The following SYTL3 variants were observed in gnomAD, a reference collection of about 807,000 sequenced individuals.
The protein encoded by SYTL3 is synaptotagmin-like protein 3.
A neutral mutation model predicts 82.1 loss-of-function variants in SYTL3; 88 were observed. The observed-to-expected ratio is 1.07, with a 90% CI of 0.90 to 1.28. The LOEUF (loss-of-function observed/expected upper bound fraction) is 1.28, where lower values mean the gene tolerates loss of function less well. Among genes scored for constraint, SYTL3 ranks in the 50% most tolerant of loss-of-function variants. SYTL3 has a pLI of 0.00. For synonymous variants in SYTL3, 311 were observed against 289.4 expected (o/e 1.07, Z -0.76); for missense variants, 831 against 757.6 (o/e 1.10, Z -1.14).
At chr6:158,661,540 C>T (rs76948983) in intron 3 of SYTL3, among the ~76,000 whole-genome samples, 155 bp downstream of exon 3, 259 of 152,316 alleles carry the variant, frequency 1.7e-3, no homozygotes, top group African/African-American at 6.0e-3. Flanking sequence ...GCAACCTCTG[C>T]AGTTGGGATG....
At chr6:158,707,600 T>A (rs1040046003) in intron 7 of SYTL3, among the ~76,000 whole-genome samples, 1 of 152,244 alleles carries the variant, frequency 6.6e-6, no homozygotes, top group Non-Finnish European at 1.5e-5. Flanking sequence ...AAAGCAAGCA[T>A]GTGCTTTGAT....
chr6:158,655,050 A>C (rs1222767718), intron 2 of SYTL3, among the ~76,000 whole-genome samples: 2 of 152,304 alleles, frequency 1.3e-5, no homozygotes, highest in East Asian at 3.9e-4. Context: ...TAGAGCATTT[A>C]AGATCTTGTT....
intron 6 of SYTL3, among the ~76,000 whole-genome samples, chr6:158,699,214 G>C (rs541208775): frequency 6.6e-6 from 1 of 152,286 alleles, no homozygotes; most frequent in South Asian, 2.1e-4. Context: ...AGTCACTGTG[G>C]GACATTCCAG....
intron 11 of SYTL3, among the ~76,000 whole-genome samples, chr6:158,729,142 G>A (rs548453853): frequency 6.6e-6 from 1 of 152,326 alleles, no homozygotes; most frequent in East Asian, 1.9e-4. Flanking sequence ...TGGGTGAGGG[G>A]CCATAATGCT....
intron 6 of SYTL3, among the ~76,000 whole-genome samples, chr6:158,693,451 G>A (rs1172894717): frequency 6.6e-6 from 1 of 152,102 alleles, no homozygotes; most frequent in South Asian, 2.1e-4. Context: ...GCAGTGGTGC[G>A]ATCTTGGCTC....
intron 16 of SYTL3, 118 bp from the exon 17 acceptor site, chr6:158,763,186 T>C: frequency 2.2e-6 from 2 of 890,970 alleles, no homozygotes; most frequent in Non-Finnish European, 3.6e-6. Context: ...CTGGGGAGGG[T>C]GTGGATGTTG....
intron 11 of SYTL3, among the ~76,000 whole-genome samples, chr6:158,731,040 T>C (rs1785338592): frequency 6.6e-6 from 1 of 151,866 alleles, no homozygotes; most frequent in African/African-American, 2.4e-5. Flanking sequence ...ATCCCAGCAC[T>C]TTGGGAGGCT....
intron 5 of SYTL3, among the ~76,000 whole-genome samples, chr6:158,674,296 A>C (rs1210243315): frequency 6.6e-6 from 1 of 152,016 alleles, no homozygotes; most frequent in Non-Finnish European, 1.5e-5. Flanking sequence ...TTAGTTTATG[A>C]AATATTCCCT....
chr6:158,688,232 T>A (rs543785821), intron 6 of SYTL3, among the ~76,000 whole-genome samples: 62 of 152,382 alleles, frequency 4.1e-4, no homozygotes, highest in African/African-American at 1.5e-3. Flanking sequence ...AACTCTGTGA[T>A]GAACGTCTTG....
At position 158,697,277 on chromosome 6, in the gene SYTL3, G is replaced by GAA. The variant is rs35335929; in HGVS notation, c.395-9931_395-9930dup. ...AACATGGTGAAACCCCATCTCTACG[G>GAA]AAAAAAAAAAAAAAAAAAAAAAATT... On this transcript the variant is annotated intron_variant, in intron 6 of 17. Transcript: ENST00000611299. Among the ~76,000 whole-genome samples, 224 of 94,422 alleles carry GAA rather than the reference G, an allele frequency of 2.4e-3. 3 individuals are homozygous for GAA. Among genetic ancestry groups the GAA allele is most frequent in the African/African-American group, 4.7e-3 (121 of 25,922 alleles). 61.9% of individuals were successfully genotyped at this position (94,422 alleles called of 152,430 possible). A position where few individuals can be genotyped will look rare whatever the true frequency, so the allele number is the denominator to read the frequency against.
chr6:158,761,895 G>T (rs1277301274), intron 15 of SYTL3, among the ~76,000 whole-genome samples, 181 bp from the exon 16 acceptor site: 2 of 152,084 alleles, frequency 1.3e-5, no homozygotes, highest in East Asian at 3.9e-4. Flanking sequence ...GGCACGGTGT[G>T]GGCAGCGCCA....
chr6:158,724,664 G>A (rs547561719), intron 10 of SYTL3, among the ~76,000 whole-genome samples: 14 of 152,354 alleles, frequency 9.2e-5, no homozygotes, highest in African/African-American at 3.4e-4. Context: ...ATTAATTTAA[G>A]TAGTCATGTG....
In SYTL3 at chr6:158,666,024, T is replaced by C. The variant is rs184489626; in HGVS notation, c.329+411T>C. 3.4e-3 allele frequency among the ~76,000 whole-genome samples: 517 copies of C among 152,038 alleles called. 1 individual carries two copies. The highest frequency in any genetic ancestry group is 3.3e-3 in the Non-Finnish European group (224 of 67,970). ...TACTCAGGAGGCTGAGATGAGAGGA[T>C]CATTTGAACCTGGGAGCTGTGATTG... On this transcript the variant is annotated intron_variant, in intron 5 of 17. Transcript: ENST00000611299.
chr6:158,725,658 CTTTTTTTG>C (rs147871222), intron 11 of SYTL3, 21 bp downstream of exon 11: 357,412 of 1,598,194 alleles, frequency 0.22, 43,603 homozygotes, highest in Non-Finnish European at 0.25. Context: ...TTCCAATGCT[CTTTTTTTG>C]TTTTTTTGTT....
intron 12 of SYTL3, among the ~76,000 whole-genome samples, chr6:158,747,838 T>C (rs1346963525): frequency 6.6e-6 from 1 of 152,166 alleles, no homozygotes; most frequent in Non-Finnish European, 1.5e-5. Flanking sequence ...CCAGAGGCTT[T>C]TTGTTAAACC....
intron 6 of SYTL3, among the ~76,000 whole-genome samples, chr6:158,703,641 A>G (rs112551073): frequency 3.9e-4 from 60 of 152,010 alleles, no homozygotes; most frequent in African/African-American, 1.2e-3. Context: ...TCTTGCTCCA[A>G]TGGGATTGGG....
intron 2 of SYTL3, among the ~76,000 whole-genome samples, chr6:158,653,603 C>T (rs1381344259): frequency 3.3e-5 from 5 of 152,150 alleles, no homozygotes; most frequent in African/African-American, 4.8e-5. Context: ...CCCCTGTGTA[C>T]GAGGCAGAAA....
intron 6 of SYTL3, among the ~76,000 whole-genome samples, chr6:158,683,992 C>T (rs927071548): frequency 6.6e-6 from 1 of 152,170 alleles, no homozygotes; most frequent in Non-Finnish European, 1.5e-5. Flanking sequence ...GTCTGCAGCC[C>T]AGGAAACACT....
chr6:158,704,635 G>A (rs1025858792), intron 6 of SYTL3, among the ~76,000 whole-genome samples: 2 of 152,272 alleles, frequency 1.3e-5, no homozygotes, highest in African/African-American at 2.4e-5. Context: ...GCCTGCAGGC[G>A]GAGGGGTGAC....
Sources: gnomAD v4.1 joint callset for allele counts (sites outside exome capture counted in the v4.1 genomes callset) on GRCh38, gnomAD v4.1.1 for gene constraint, MANE v1.5 for transcripts, NCBI Gene and HGNC (gene_info 2026-07-23, HGNC 2026-07-21) for gene names.